Variants in CAMTA1 observed in about 807,000 individuals in gnomAD.
CAMTA1 encodes the protein calmodulin binding transcription activator 1.
A neutral mutation model predicts 170.9 loss-of-function variants in CAMTA1; 27 were observed. The ratio of observed to expected loss-of-function variants is 0.16; its 90% CI spans 0.12 to 0.22. The LOEUF is 0.22. Ranked by LOEUF, CAMTA1 falls within the 10% of genes least tolerant of loss-of-function variation. The pLI is 1.00. For synonymous variants in CAMTA1, 833 were observed against 891.5 expected, an observed-to-expected ratio of 0.93 and a Z score of 1.17; for missense variants, 1,619 against 2,217.2, an observed-to-expected ratio of 0.73 and a Z score of 5.42.
intron 11 of CAMTA1, among the ~76,000 whole-genome samples, chr1:7,705,743 G>T (rs770403493): frequency 6.6e-6 from 1 of 152,320 alleles, no homozygotes; most frequent in South Asian, 2.1e-4. Context: ...GGGCGACGGG[G>T]GACTGTCTCT....
intron 5 of CAMTA1, among the ~76,000 whole-genome samples, chr1:7,421,046 T>TGTCCTGGCTGTCTTCTGGCCTTC (rs2091526040): frequency 6.6e-6 from 1 of 152,232 alleles, no homozygotes; most frequent in Non-Finnish European, 1.5e-5. Flanking sequence ...TGCCCTTCTG[T>TGTCCTGGCTGTCTTCTGGCCTTC]GTCCTGGCTG....
rs952564538 is a variant in CAMTA1 at position 7,426,255 on chromosome 1, G to T, written c.439-41575G>T. Reference sequence around the variant, plus strand: ...TGCCCAGGGCCAGAGAGAGCTGCACGGTCCGAAGCTCAGAGCATCCTCACT... The same window carrying T: ...TGCCCAGGGCCAGAGAGAGCTGCACTGTCCGAAGCTCAGAGCATCCTCACT... On this transcript the variant is annotated intron_variant, in intron 5 of 22. Transcript: ENST00000303635. The surrounding 1 kb of genome is among the most constrained non-coding windows in gnomAD (Gnocchi z 4.8). Among the ~76,000 whole-genome samples the T allele has an allele frequency of 6.6e-6, 1 of 151,524 alleles. No individual in the cohort carries two copies. Among genetic ancestry groups the T allele is most frequent in the African/African-American group, 2.4e-5 (1 of 40,850 alleles).
At chr1:7,490,769 C>T (rs1281603059) in intron 6 of CAMTA1, among the ~76,000 whole-genome samples, 2 of 152,186 alleles carry the variant, frequency 1.3e-5, no homozygotes, top group Non-Finnish European at 2.9e-5. Context: ...GGTGCTGCTG[C>T]CGCAGGAGTC....
chr1:6,798,768 T>C (rs1207444276), intron 1 of CAMTA1, among the ~76,000 whole-genome samples: 1 of 144,288 alleles, frequency 6.9e-6, no homozygotes, highest in Non-Finnish European at 1.5e-5. Flanking sequence ...GGCTAATTTT[T>C]TGTATTTTTA....
chr1:7,678,155 A>G (rs760134526), intron 11 of CAMTA1, among the ~76,000 whole-genome samples: 9 of 152,250 alleles, frequency 5.9e-5, no homozygotes, highest in Non-Finnish European at 1.2e-4. Flanking sequence ...CCCAGAGGCC[A>G]TCGCCAAGCC....
At chr1:7,496,594 C>T (rs2093831291) in intron 6 of CAMTA1, among the ~76,000 whole-genome samples, 1 of 152,196 alleles carries the variant, frequency 6.6e-6, no homozygotes, top group African/African-American at 2.4e-5. Context: ...TGGGATTAAT[C>T]CCCAGCATCT....
intron 5 of CAMTA1, among the ~76,000 whole-genome samples, chr1:7,282,475 C>T (rs531725046): frequency 7.2e-5 from 11 of 152,260 alleles, no homozygotes; most frequent in East Asian, 1.9e-4. Context: ...CTCAACTGGA[C>T]GGGTGGTTTC....
chr1:7,502,146 A>G (rs1430035149), intron 6 of CAMTA1, among the ~76,000 whole-genome samples: 3 of 152,228 alleles, frequency 2.0e-5, no homozygotes, highest in Admixed American at 2.0e-4. Context: ...GGTCAACGAC[A>G]GCCCCGGAAG....
intron 11 of CAMTA1, among the ~76,000 whole-genome samples, chr1:7,710,616 AAAAAAAG>A (rs1192588513): frequency 6.6e-6 from 1 of 151,676 alleles, no homozygotes; most frequent in African/African-American, 2.4e-5. Context: ...AAAAAAAAAA[AAAAAAAG>A]AATTTATTGA....
rs1208494679 is a variant in CAMTA1 at position 7,641,699 on chromosome 1, A to G, written c.664+1146A>G. 6.6e-6 allele frequency among the ~76,000 whole-genome samples: 1 copy of G among 152,126 alleles called. No homozygotes were observed. The highest frequency in any genetic ancestry group is 1.5e-5 in the Non-Finnish European group (1 of 67,996). On this transcript the variant is annotated intron_variant, in intron 7 of 22. Transcript: ENST00000303635. This position sits in a 1 kb window ranked among gnomAD's most constrained non-coding sequence, Gnocchi z 4.5. The stretch of plus-strand genomic sequence containing the variant: ...AGCCCTGCCCGCCAAGGGCAGGACC[A>G]CAAGACTGAGCTTCCTCACGTGTCG...
intron 1 of CAMTA1, among the ~76,000 whole-genome samples, chr1:6,802,333 C>T (rs1439393873): frequency 1.3e-5 from 2 of 152,138 alleles, no homozygotes; most frequent in African/African-American, 4.8e-5. Flanking sequence ...CAAAAATATT[C>T]AAGACTGGGT....
In CAMTA1 at chr1:7,738,159, C is replaced by G. The variant is rs61745647; in HGVS notation, c.3859C>G (p.Leu1287Val). 6.2e-7 allele frequency: 1 copy of G among 1,614,118 alleles called. No individual in the cohort carries two copies. The highest frequency in any genetic ancestry group is 8.5e-7 in the Non-Finnish European group (1 of 1,179,982). The part of the protein sequence containing the change: ...PSSKQSVPET[L>V]SPSEGVRDFS... ...TTCTAAGCAGTCTGTCCCCGAGACA[C>G]TCAGCCCCAGTGAAGGAGTGAGGGA... Residue 1287 changes from leucine to valine, a missense_variant, in exon 16 of 23, where the codon CTC becomes GTC. Around this residue, in one of 8 missense-constraint regions of CAMTA1, gnomAD observed 370 missense variants for 429.4 expected, o/e 0.86. Coordinates refer to ENST00000303635, the MANE Select transcript of CAMTA1 (RefSeq NM_015215.4). The surrounding 1 kb of genome is among the most constrained non-coding windows in gnomAD (Gnocchi z 4.9).
chr1:7,177,358 C>T (rs1469104298), intron 4 of CAMTA1, among the ~76,000 whole-genome samples: 1 of 150,862 alleles, frequency 6.6e-6, no homozygotes, highest in Non-Finnish European at 1.5e-5. Context: ...CACATCAAAG[C>T]CCTGTCCACA....
At chr1:7,090,532 T>C (rs954655295) in intron 3 of CAMTA1, among the ~76,000 whole-genome samples, 3 of 152,222 alleles carry the variant, frequency 2.0e-5, no homozygotes, top group African/African-American at 7.2e-5. Context: ...GTGGAAGTAA[T>C]GGGCCATATC....
intron 6 of CAMTA1, among the ~76,000 whole-genome samples, chr1:7,604,710 C>T (rs1263280383): frequency 6.6e-6 from 1 of 152,158 alleles, no homozygotes; most frequent in Non-Finnish European, 1.5e-5. Flanking sequence ...CAGCTTTGTT[C>T]CGTTGCTGGT....
chr1:7,383,008 T>C (rs958686904), intron 5 of CAMTA1, among the ~76,000 whole-genome samples: 38 of 152,202 alleles, frequency 2.5e-4, no homozygotes, highest in African/African-American at 8.4e-4. Context: ...TGCTAAACAC[T>C]GGGAATATAA....
At chr1:7,759,144 G>A (rs1366018902) in intron 22 of CAMTA1, among the ~76,000 whole-genome samples, 1 of 150,710 alleles carries the variant, frequency 6.6e-6, no homozygotes, top group East Asian at 1.9e-4. Context: ...GTGAGACCCT[G>A]TCCCAGAAAA....
Position 7,433,205 on chromosome 1 carries a change from C to T in CAMTA1, c.439-34625C>T, listed in dbSNP as rs558416392. Among the ~76,000 whole-genome samples the T allele has an allele frequency of 3.2e-4, 49 of 152,368 alleles. 1 individual carries two copies. The highest frequency in any genetic ancestry group is 3.2e-3 in the Admixed American group (49 of 15,308). On this transcript the variant is annotated intron_variant, in intron 5 of 22. Transcript: ENST00000303635. ...TAAGGCTTGTGGCTGCCCTAGCAGG[C>T]TGGTGTTGGGTGTCAGAGAAGGAGG...
intron 4 of CAMTA1, among the ~76,000 whole-genome samples, chr1:7,239,415 C>A (rs1353435243): frequency 6.6e-6 from 1 of 152,150 alleles, no homozygotes; most frequent in Non-Finnish European, 1.5e-5. Context: ...TATATGTTCT[C>A]ATTCCAGCAC....
Sources: gnomAD v4.1 joint callset for allele counts (sites outside exome capture counted in the v4.1 genomes callset) on GRCh38, gnomAD v4.1.1 for gene constraint, gnomAD v4.1.1 regional missense constraint, Gnocchi (gnomAD v3.1) non-coding constraint, MANE v1.5 for transcripts, NCBI Gene and HGNC (gene_info 2026-07-23, HGNC 2026-07-21) for gene names.